MAST4: variants seen among roughly 807,000 people sequenced by gnomAD.
MAST4 encodes microtubule-associated serine/threonine-protein kinase 4.
In MAST4, 89 loss-of-function variants were observed where a neutral mutation model predicts 162.7. The observed-to-expected ratio is 0.55, with a 90% CI of 0.46 to 0.65. The LOEUF (loss-of-function observed/expected upper bound fraction) is 0.65. MAST4 is among the 30% of genes least tolerant of loss of function. MAST4 has a pLI of 0.00. For synonymous variants in MAST4, 1,479 were observed against 1,361.1 expected, an observed-to-expected ratio of 1.09 and a Z score of -1.91; for missense variants, 3,153 against 3,374.0, an observed-to-expected ratio of 0.93 and a Z score of 1.62.
At chr5:66,722,792 G>T (rs1006411291) in intron 1 of MAST4, among the ~76,000 whole-genome samples, 2 of 152,172 alleles carry the variant, frequency 1.3e-5, no homozygotes, top group Non-Finnish European at 2.9e-5. Flanking sequence ...AGAGATGACT[G>T]GTTAGGGAGG....
At chr5:66,611,268 A>G (rs1373820288) in intron 1 of MAST4, among the ~76,000 whole-genome samples, 2 of 152,216 alleles carry the variant, frequency 1.3e-5, no homozygotes, top group Non-Finnish European at 2.9e-5. Flanking sequence ...TAATTGCCAC[A>G]TGTCCTTGTT....
At chr5:66,878,409 C>T (rs943982658) in intron 3 of MAST4, among the ~76,000 whole-genome samples, 4 of 152,222 alleles carry the variant, frequency 2.6e-5, no homozygotes, top group Non-Finnish European at 5.9e-5. Flanking sequence ...CATCTTCTAC[C>T]TACCTGGCAA....
intron 4 of MAST4, among the ~76,000 whole-genome samples, chr5:66,966,660 G>A (rs1428582443): frequency 6.6e-6 from 1 of 152,210 alleles, no homozygotes; most frequent in African/African-American, 2.4e-5. Flanking sequence ...TCATGGCCTA[G>A]AAGGTGGTAT....
intron 1 of MAST4, among the ~76,000 whole-genome samples, chr5:66,753,291 TA>T (rs1389654432): frequency 6.6e-6 from 1 of 151,668 alleles, no homozygotes; most frequent in Non-Finnish European, 1.5e-5. Context: ...AGGCAAGAAA[TA>T]ACTAAAATCG....
At chr5:66,713,410 A>G (rs1007830820) in intron 1 of MAST4, among the ~76,000 whole-genome samples, 1 of 152,222 alleles carries the variant, frequency 6.6e-6, no homozygotes, top group Non-Finnish European at 1.5e-5. Context: ...TTGAGGTTAA[A>G]ATAACCAGTG....
intron 5 of MAST4, among the ~76,000 whole-genome samples, chr5:67,083,255 TAAAAGG>T (rs1762871690): frequency 6.6e-6 from 1 of 152,122 alleles, no homozygotes; most frequent in Non-Finnish European, 1.5e-5. Flanking sequence ...ATGATTAACT[TAAAAGG>T]AAAAGGAAAA....
chr5:66,782,853 G>T (rs1482883066), intron 2 of MAST4, among the ~76,000 whole-genome samples: 1 of 152,168 alleles, frequency 6.6e-6, no homozygotes, highest in African/African-American at 2.4e-5. Context: ...TTCTTAAATT[G>T]TAGGCAGCAA....
intron 4 of MAST4, among the ~76,000 whole-genome samples, chr5:66,970,875 A>G (rs1747342782): frequency 1.3e-5 from 2 of 152,320 alleles, no homozygotes; most frequent in South Asian, 4.1e-4. Context: ...TGGAGCCCAC[A>G]CATCTCAGTT....
At chr5:67,156,179 C>A (rs1772501402) in intron 26 of MAST4, among the ~76,000 whole-genome samples, 1 of 152,044 alleles carries the variant, frequency 6.6e-6, no homozygotes, top group Non-Finnish European at 1.5e-5. Flanking sequence ...CAAACAGTTA[C>A]CTTCTGAGGT....
At position 67,000,753 on chromosome 5, in the gene MAST4, A is replaced by G. The variant is rs1338625736; in HGVS notation, c.675-53651A>G. ...ACAAGAGTGAAACTCTGTCTAAAAA[A>G]AAAGGGGGGGGGTGGCTTGTGTCAA... On this transcript the variant is annotated intron_variant, in intron 4 of 28. Transcript: ENST00000403625. Among the ~76,000 whole-genome samples, 3 of 134,636 alleles carry G rather than the reference A, an allele frequency of 2.2e-5. No individual in the cohort carries two copies. The Admixed American group carries it at 2.4e-4, about 11-fold the overall frequency. The allele number at this position is 134,636 out of a possible 152,430, so 88.3% of individuals were successfully genotyped here.
At chr5:66,736,555 G>A (rs1043875018) in intron 1 of MAST4, among the ~76,000 whole-genome samples, 1 of 152,152 alleles carries the variant, frequency 6.6e-6, no homozygotes, top group Non-Finnish European at 1.5e-5. Flanking sequence ...TCAGTGTCAG[G>A]GAAAGTGATT....
At chr5:66,988,538 G>A (rs1749752374) in intron 4 of MAST4, among the ~76,000 whole-genome samples, 1 of 152,122 alleles carries the variant, frequency 6.6e-6, no homozygotes, top group African/African-American at 2.4e-5. Flanking sequence ...AACTATCCTA[G>A]CAACAGTCCT....
chr5:66,928,243 G>C (rs1056418566), intron 4 of MAST4, among the ~76,000 whole-genome samples: 1 of 152,196 alleles, frequency 6.6e-6, no homozygotes, highest in Non-Finnish European at 1.5e-5. Flanking sequence ...TCTGCCAGTA[G>C]ACATGGCCCA....
chr5:66,736,879 G>C (rs1185694393), intron 1 of MAST4, among the ~76,000 whole-genome samples: 1 of 152,168 alleles, frequency 6.6e-6, no homozygotes, highest in Admixed American at 6.5e-5. Flanking sequence ...GAAAACCTAG[G>C]GTTAGGAACC....
intron 6 of MAST4, chr5:67,094,296 CT>C (rs1764188551): frequency 2.1e-6 from 1 of 477,754 alleles, no homozygotes; most frequent in African/African-American, 2.0e-5. Flanking sequence ...TTTTATTTTC[CT>C]ACGAATATAA....
In MAST4 at chr5:67,166,457, G is replaced by C; in HGVS notation, c.7278G>C (p.Lys2426Asn). ...EARGKGPGPQKPPTEADKPNG... is the reference protein window; with the variant it reads ...EARGKGPGPQNPPTEADKPNG... ...GAGGGAAAGGGCCCGGTCCCCAGAA[G>C]CCACCGACGGAGGCAGACAAGCCCA... Residue 2426 changes from lysine to asparagine, a missense_variant, in exon 29 of 29, where the codon AAG becomes AAC. Lys to Asn is a moderately conservative substitution (Grantham distance 94). Transcript: ENST00000403625. 6.2e-7 allele frequency: 1 copy of C among 1,602,120 alleles called. No homozygotes were observed. Among genetic ancestry groups the C allele is most frequent in the Non-Finnish European group, 8.5e-7 (1 of 1,173,888 alleles).
intron 1 of MAST4, among the ~76,000 whole-genome samples, chr5:66,704,093 T>A (rs1232459026): frequency 6.6e-6 from 1 of 152,180 alleles, no homozygotes; most frequent in Non-Finnish European, 1.5e-5. Context: ...GTTTTATGAT[T>A]AAGAAACACA....
chr5:67,129,458 G>A (rs947389772), intron 14 of MAST4, among the ~76,000 whole-genome samples: 8 of 151,936 alleles, frequency 5.3e-5, no homozygotes, highest in Admixed American at 6.6e-5. Flanking sequence ...GGTGGCTCAC[G>A]CCTGTAATCC....
intron 1 of MAST4, among the ~76,000 whole-genome samples, chr5:66,612,911 A>G (rs1446330624): frequency 6.6e-6 from 1 of 152,214 alleles, no homozygotes; most frequent in East Asian, 1.9e-4. Context: ...TGCGTCTTAC[A>G]TATTTTATAG....
Sources: gnomAD v4.1 joint callset for allele counts (sites outside exome capture counted in the v4.1 genomes callset) on GRCh38, gnomAD v4.1.1 for gene constraint, MANE v1.5 for transcripts, NCBI Gene and HGNC (gene_info 2026-07-23, HGNC 2026-07-21) for gene names.